SVIL: variants seen among roughly 807,000 people sequenced by gnomAD.
The protein encoded by SVIL is archvillin.
A neutral mutation model predicts 240.4 loss-of-function variants in SVIL; 101 were observed. The ratio of observed to expected loss-of-function variants is 0.42; its 90% CI spans 0.36 to 0.50. The LOEUF is 0.50. SVIL is among the 20% of genes least tolerant of loss of function. SVIL has a pLI of 0.01. For synonymous variants in SVIL, 999 were observed against 1,100.0 expected (o/e 0.91, Z 1.82); for missense variants, 2,512 against 2,818.7 (o/e 0.89, Z 2.46).
At chr10:29,501,226 T>C (rs1174497613) in intron 17 of SVIL, among the ~76,000 whole-genome samples, 6 of 110,038 alleles carry the variant, frequency 5.5e-5, no homozygotes, top group South Asian at 2.8e-4. Context: ...AAGGGCATTA[T>C]TGGAGGAAAC....
Position 29,524,552 on chromosome 10 carries a change from G to A in SVIL, c.2506C>T (p.Arg836Trp), listed in dbSNP as rs148785848. 1.5e-4 allele frequency: 246 copies of A among 1,614,010 alleles called. No individual in the cohort carries two copies. The highest frequency in any genetic ancestry group is 1.3e-3 in the Middle Eastern group (8 of 6,062). ...SQPVSKAIST[R>W]NRIDTRQRRM... is the part of the protein sequence containing the mutation. ...CTCTGTCTCGTGTCTATTCTGTTCC[G>A]GGTAGAAATCGCTTTTGAGACTGGC... The change falls in exon 14 of 38, where the codon CGG becomes TGG. Residue 836 changes from arginine to tryptophan, a missense_variant. Arg to Trp is a moderately radical substitution (Grantham distance 101). This residue lies in a region of SVIL where 1,443 missense variants were observed against 1,486.6 expected (regional missense o/e 0.97). Coordinates refer to ENST00000355867, the MANE Select transcript of SVIL (RefSeq NM_021738.3).
chr10:29,470,964 G>A (rs578205918), intron 31 of SVIL, among the ~76,000 whole-genome samples, 174 bp downstream of exon 31: 1 of 152,098 alleles, frequency 6.6e-6, no homozygotes, highest in Non-Finnish European at 1.5e-5. Flanking sequence ...ATTCTCCAGG[G>A]AGAGGCGGGT....
intron 1 of SVIL, among the ~76,000 whole-genome samples, chr10:29,727,196 G>A (rs1397828053): frequency 6.6e-6 from 1 of 152,124 alleles, no homozygotes; most frequent in Non-Finnish European, 1.5e-5. Context: ...AACTTGACTA[G>A]GTTAACTGAA....
intron 1 of SVIL, among the ~76,000 whole-genome samples, chr10:29,621,511 CAA>C (rs1355871588): frequency 1.3e-5 from 2 of 152,232 alleles, no homozygotes; most frequent in Non-Finnish European, 2.9e-5. Flanking sequence ...CCATGACTCT[CAA>C]GAGAGCATAA....
Position 29,506,548 on chromosome 10 carries a change from G to A in SVIL, c.3516+6187C>T, listed in dbSNP as rs146174369. Among the ~76,000 whole-genome samples the A allele has an allele frequency of 5.5e-3, 824 of 149,182 alleles. 2 individuals are homozygous for A. Among genetic ancestry groups the A allele is most frequent in the African/African-American group, 8.8e-3 (361 of 40,914 alleles). On this transcript the variant is annotated intron_variant, in intron 17 of 37. Coordinates refer to ENST00000355867, the MANE Select transcript of SVIL (RefSeq NM_021738.3). ...CTGGTGCTGCTGGAGCAGGCCCATC[G>A]CGGCACTGTCAGAGGCCACCTGAGA... is the stretch of plus-strand genomic sequence containing the variant.
intron 2 of SVIL, among the ~76,000 whole-genome samples, chr10:29,663,135 G>T (rs1252673229): frequency 6.6e-6 from 1 of 151,988 alleles, no homozygotes; most frequent in Non-Finnish European, 1.5e-5. Context: ...AATAATAAAA[G>T]AATAGACCAT....
intron 1 of SVIL, among the ~76,000 whole-genome samples, chr10:29,727,164 T>G (rs1267559701): frequency 2.0e-5 from 3 of 152,208 alleles, no homozygotes; most frequent in East Asian, 3.8e-4. Context: ...ATGCTAATAA[T>G]AACATAATAA....
intron 3 of SVIL, among the ~76,000 whole-genome samples, chr10:29,561,736 C>T (rs1954498412): frequency 6.6e-6 from 1 of 152,184 alleles, no homozygotes; most frequent in Non-Finnish European, 1.5e-5. Flanking sequence ...CCGATGCGAG[C>T]ACAGCGTGGA....
chr10:29,458,223 G>A lies in SVIL; in HGVS notation c.*24C>T. On this transcript the variant is annotated 3_prime_UTR_variant, in exon 38 of 38. Transcript: ENST00000355867. ...CAGTGGTGTTGTTGGACGTGACCGT[G>A]AGGCTCCTCTGGCGTCTCCCCACTC... 1.9e-6 allele frequency: 3 copies of A among 1,602,848 alleles called. No individual in the cohort carries two copies. Among genetic ancestry groups the A allele is most frequent in the African/African-American group, 1.3e-5 (1 of 74,796 alleles).
chr10:29,460,439 C>T (rs1189930180), intron 36 of SVIL, among the ~76,000 whole-genome samples: 1 of 152,184 alleles, frequency 6.6e-6, no homozygotes, highest in Non-Finnish European at 1.5e-5. Context: ...ATAGTGAATA[C>T]ACAGGGAGGA....
rs774035023 is a variant in SVIL at position 29,467,708 on chromosome 10, A to C, written c.5977+34T>G. 17 of 1,612,584 alleles carry C rather than the reference A, an allele frequency of 1.1e-5. No individual in the cohort carries two copies. The Admixed American group carries it at 2.0e-4, about 19-fold the overall frequency. ...ACTCTTGTTTCCAAAAACAAACAAA[A>C]AAACCAGATCGCAGACTGTGGATGC... On this transcript the variant is annotated intron_variant, in intron 33 of 37. Transcript: ENST00000355867.
At chr10:29,721,543 A>C (rs1164814242) in intron 1 of SVIL, among the ~76,000 whole-genome samples, 2 of 152,208 alleles carry the variant, frequency 1.3e-5, no homozygotes, top group Non-Finnish European at 2.9e-5. Context: ...CAATCCAAAA[A>C]AAAAAAAGCT....
intron 1 of SVIL, among the ~76,000 whole-genome samples, chr10:29,614,295 G>A (rs1258573020): frequency 6.6e-6 from 1 of 152,000 alleles, no homozygotes; most frequent in Non-Finnish European, 1.5e-5. Flanking sequence ...ATTTGACCCA[G>A]CAATCCCATT....
chr10:29,470,261 A>G lies in SVIL; in HGVS notation c.5843+15T>C. 6.2e-7 allele frequency: 1 copy of G among 1,613,990 alleles called. No individual in the cohort carries two copies. Among genetic ancestry groups the G allele is most frequent in the Middle Eastern group, 1.7e-4 (1 of 6,060 alleles). Reference sequence around the variant, plus strand: ...CCCGGTGTGTGGGGGGACTCGCCGCAGACACAACACTCACTGTTCCTTGAT... The same window carrying G: ...CCCGGTGTGTGGGGGGACTCGCCGCGGACACAACACTCACTGTTCCTTGAT... On this transcript the variant is annotated intron_variant, in intron 32 of 37. Coordinates refer to ENST00000355867, the MANE Select transcript of SVIL (RefSeq NM_021738.3).
At chr10:29,718,132 C>G (rs1738000497) in intron 1 of SVIL, among the ~76,000 whole-genome samples, 1 of 151,912 alleles carries the variant, frequency 6.6e-6, no homozygotes, top group African/African-American at 2.4e-5. Context: ...TGGAGACCAT[C>G]CTGGCTAACA....
chr10:29,463,199 G>T (rs1406861798), intron 35 of SVIL, among the ~76,000 whole-genome samples: 2 of 152,202 alleles, frequency 1.3e-5, no homozygotes, highest in African/African-American at 4.8e-5. Flanking sequence ...GTTTTAATCT[G>T]CCTGGGGCAT....
At chr10:29,504,309 A>G (rs991193858) in intron 17 of SVIL, among the ~76,000 whole-genome samples, 4 of 152,230 alleles carry the variant, frequency 2.6e-5, no homozygotes, top group African/African-American at 9.6e-5. Flanking sequence ...ATATAACACC[A>G]AAGGCAATAT....
chr10:29,690,165 C>A (rs1961394588), intron 1 of SVIL, among the ~76,000 whole-genome samples: 3 of 152,186 alleles, frequency 2.0e-5, no homozygotes, highest in Admixed American at 6.5e-5. Flanking sequence ...AGAATCGCCT[C>A]ATTTTATACA....
At chr10:29,536,566 T>A (rs2132581480) in intron 6 of SVIL, among the ~76,000 whole-genome samples, 1 of 152,194 alleles carries the variant, frequency 6.6e-6, no homozygotes. Context: ...AATAAATGTA[T>A]CTAAGGCCAT....
Sources: gnomAD v4.1 joint callset for allele counts (sites outside exome capture counted in the v4.1 genomes callset) on GRCh38, gnomAD v4.1.1 for gene constraint, gnomAD v4.1.1 regional missense constraint, MANE v1.5 for transcripts, NCBI Gene and HGNC (gene_info 2026-07-23, HGNC 2026-07-21) for gene names.